The following HIGD1A variants were observed in gnomAD, a reference collection of about 807,000 sequenced individuals.
HIGD1A encodes the protein HIG1 hypoxia inducible domain family member 1A.
Under a neutral mutation model 11.3 loss-of-function variants are expected in HIGD1A, and 8 were observed. That is an observed-to-expected ratio of 0.71 (90% CI 0.42 to 1.28). HIGD1A has a LOEUF of 1.28. HIGD1A is among the 50% of genes most tolerant of loss of function. HIGD1A has a pLI of 0.01. For synonymous variants in HIGD1A, 32 were observed against 38.4 expected (o/e 0.83, Z 0.62); for missense variants, 107 against 118.8 (o/e 0.90, Z 0.46).
intron 1 of HIGD1A, among the ~76,000 whole-genome samples, chr3:42,796,497 T>C (rs1188147007): frequency 2.0e-5 from 3 of 152,010 alleles, no homozygotes; most frequent in Non-Finnish European, 2.9e-5. Flanking sequence ...CCTTGCCCGC[T>C]GGCTAGACAG....
At chr3:42,787,760 C>A (rs1559675407) in intron 2 of HIGD1A, among the ~76,000 whole-genome samples, 1 of 150,576 alleles carries the variant, frequency 6.6e-6, no homozygotes. Context: ...CAGAAAACAA[C>A]AGAATAAGAA....
chr3:42,796,437 T>TG lies in HIGD1A; in HGVS notation c.-22-2163_-22-2162insC, dbSNP rs1411564128. ...TAATCGTTCAAAAATTAGTTGTTGT[T>TG]TTTTTTTTTAAAAAAAAAAGAGAAA... is the stretch of plus-strand genomic sequence containing the variant. On this transcript the variant is annotated intron_variant, in intron 1 of 3. Coordinates refer to ENST00000321331, the MANE Select transcript of HIGD1A (RefSeq NM_014056.4). 4.4e-5 allele frequency among the ~76,000 whole-genome samples: 5 copies of TG among 114,168 alleles called. No individual in the cohort carries two copies. In the South Asian group the frequency reaches 1.4e-3, roughly 31 times the overall value. 74.9% of individuals were successfully genotyped at this position (114,168 alleles called of 152,430 possible).
intron 1 of HIGD1A, chr3:42,804,050 T>C (rs1256193423): frequency 8.6e-6 from 9 of 1,046,906 alleles, no homozygotes; most frequent in Admixed American, 2.3e-5. Flanking sequence ...CTCTTCAGAA[T>C]GTTCCAAGCT....
chr3:42,804,309 T>C, intron 1 of HIGD1A, 127 bp downstream of exon 1: 3 of 981,504 alleles, frequency 3.1e-6, no homozygotes, highest in Non-Finnish European at 4.5e-6. Flanking sequence ...CTCTCCTCCC[T>C]CATTCGAGAC....
In HIGD1A at chr3:42,783,530, G is replaced by A. The variant is rs1468563004; in HGVS notation, c.*1741C>T. Among the ~76,000 whole-genome samples the A allele has an allele frequency of 6.6e-6, 1 of 151,884 alleles. No individual in the cohort carries two copies. The highest frequency in any genetic ancestry group is 1.9e-4 in the East Asian group (1 of 5,146). On this transcript the variant is annotated 3_prime_UTR_variant, in exon 4 of 4. Coordinates refer to ENST00000321331, the MANE Select transcript of HIGD1A (RefSeq NM_014056.4). ...CTCGGAAGGTTGAAGCATCAGAATCGCACGAAGCTAGGAGGTGGAGGGTGC... is the reference window on the plus strand; with the variant it reads ...CTCGGAAGGTTGAAGCATCAGAATCACACGAAGCTAGGAGGTGGAGGGTGC...
intron 1 of HIGD1A, among the ~76,000 whole-genome samples, chr3:42,802,199 TTGTCTCTTTCCTGTA>T (rs1480694935): frequency 2.0e-5 from 3 of 151,910 alleles, no homozygotes; most frequent in Non-Finnish European, 4.4e-5. Context: ...AGGGGGTTAG[TTGTCTCTTTCCTGTA>T]TATAAATCAA....
In HIGD1A at chr3:42,783,196, G is replaced by T. The variant is rs998681696; in HGVS notation, c.*2075C>A. ...AATATTATATGTCCTCACAAGGTAG[G>T]AATGATACAACAAAAATTGAGAGAA... On this transcript the variant is annotated 3_prime_UTR_variant, in exon 4 of 4. Coordinates refer to ENST00000321331, the MANE Select transcript of HIGD1A (RefSeq NM_014056.4). 3.9e-5 allele frequency among the ~76,000 whole-genome samples: 6 copies of T among 152,174 alleles called. No homozygotes were observed. Among genetic ancestry groups the T allele is most frequent in the Non-Finnish European group, 7.3e-5 (5 of 68,032 alleles).
chr3:42,802,469 T>C (rs1700578068), intron 1 of HIGD1A, among the ~76,000 whole-genome samples: 1 of 152,230 alleles, frequency 6.6e-6, no homozygotes, highest in African/African-American at 2.4e-5. Context: ...CCAACACATA[T>C]CAGTTATTTG....
chr3:42,786,249 T>C, intron 2 of HIGD1A, 87 bp from the exon 3 acceptor site: 2 of 1,423,042 alleles, frequency 1.4e-6, no homozygotes, highest in Non-Finnish European at 9.7e-7. Context: ...CTATTATTTT[T>C]ATGAGGATTC....
intron 2 of HIGD1A, among the ~76,000 whole-genome samples, chr3:42,793,634 T>G (rs1700455876): frequency 6.6e-6 from 1 of 152,256 alleles, no homozygotes; most frequent in African/African-American, 2.4e-5. Flanking sequence ...GAGGATGGTC[T>G]TGGGGTCCCC....
chr3:42,793,221 T>TTA (rs1376467943), intron 2 of HIGD1A, among the ~76,000 whole-genome samples: 2 of 152,160 alleles, frequency 1.3e-5, no homozygotes, highest in South Asian at 4.1e-4. Flanking sequence ...TAAGATTAAT[T>TTA]TATATACTAT....
At chr3:42,792,187 T>C (rs947462777) in intron 2 of HIGD1A, among the ~76,000 whole-genome samples, 1 of 152,158 alleles carries the variant, frequency 6.6e-6, no homozygotes, top group Non-Finnish European at 1.5e-5. Flanking sequence ...ACTTATTAAT[T>C]ATATGGTCAG....
intron 3 of HIGD1A, 95 bp from the exon 4 acceptor site, chr3:42,785,415 G>T: frequency 1.1e-6 from 1 of 923,084 alleles, no homozygotes; most frequent in South Asian, 1.4e-5. Context: ...TAGCACCACT[G>T]CTAGCATGGA....
chr3:42,787,583 T>A (rs1700366416), intron 2 of HIGD1A, among the ~76,000 whole-genome samples: 1 of 51,826 alleles, frequency 1.9e-5, no homozygotes, highest in Admixed American at 2.7e-4. Context: ...AGAGCGAGAC[T>A]CCATCTCAAA....
At chr3:42,803,205 C>T (rs936982834) in intron 1 of HIGD1A, among the ~76,000 whole-genome samples, 1 of 152,276 alleles carries the variant, frequency 6.6e-6, no homozygotes. Context: ...TAATTCTGTA[C>T]GCTTAGTAAG....
rs11555610 is a variant in HIGD1A, at chr3:42,785,202, G to A, written c.*69C>T. On this transcript the variant is annotated 3_prime_UTR_variant, in exon 4 of 4. Coordinates refer to ENST00000321331, the MANE Select transcript of HIGD1A (RefSeq NM_014056.4). ...ATTAGTTTATTTCCAACAATAATAG[G>A]TAACTTTAATAATAAGACATCTAAC... 1.7e-6 allele frequency: 2 copies of A among 1,187,774 alleles called. No homozygotes were observed. Among genetic ancestry groups the A allele is most frequent in the Non-Finnish European group, 2.5e-6 (2 of 812,642 alleles). 73.6% of individuals were successfully genotyped at this position (1,187,774 alleles called of 1,614,324 possible). A position where few individuals can be genotyped will look rare whatever the true frequency, so the allele number is the denominator to read the frequency against.
chr3:42,787,291 A>G (rs1374696168), intron 2 of HIGD1A, among the ~76,000 whole-genome samples: 1 of 151,958 alleles, frequency 6.6e-6, no homozygotes, highest in Non-Finnish European at 1.5e-5. Flanking sequence ...CTTCCAAATC[A>G]TAAGGAGGAA....
chr3:42,800,738 A>G (rs1255159909), intron 1 of HIGD1A, among the ~76,000 whole-genome samples: 1 of 152,180 alleles, frequency 6.6e-6, no homozygotes, highest in Non-Finnish European at 1.5e-5. Flanking sequence ...GAAATCAACA[A>G]AAGGTCTTGG....
At chr3:42,799,395 G>A (rs1201910837) in intron 1 of HIGD1A, among the ~76,000 whole-genome samples, 1 of 151,994 alleles carries the variant, frequency 6.6e-6, no homozygotes. Flanking sequence ...AACCTACAAA[G>A]GCAGTCTAGT....
Sources: gnomAD v4.1 joint callset for allele counts (sites outside exome capture counted in the v4.1 genomes callset) on GRCh38, gnomAD v4.1.1 for gene constraint, MANE v1.5 for transcripts, NCBI Gene and HGNC (gene_info 2026-07-23, HGNC 2026-07-21) for gene names.